MYCBP2: variants seen among roughly 807,000 people sequenced by gnomAD.
MYCBP2 encodes MYC binding protein 2.
A neutral mutation model predicts 525.3 loss-of-function variants in MYCBP2; 120 were observed. The ratio of observed to expected loss-of-function variants is 0.23; its 90% CI spans 0.20 to 0.27. The LOEUF is 0.27. Ranked by LOEUF, MYCBP2 falls within the 10% of genes least tolerant of loss-of-function variation. MYCBP2 has a pLI of 1.00. For synonymous variants in MYCBP2, 1,894 were observed against 1,955.8 expected (o/e 0.97, Z 0.83); for missense variants, 4,149 against 5,657.1 (o/e 0.73, Z 8.55).
intron 18 of MYCBP2, among the ~76,000 whole-genome samples, chr13:77,228,456 G>A (rs890676799): frequency 1.3e-5 from 2 of 150,816 alleles, no homozygotes; most frequent in Admixed American, 6.6e-5. Flanking sequence ...GCAGTGAGCC[G>A]TGATCATGCC....
At chr13:77,059,360 T>C (rs775153980) in intron 77 of MYCBP2, among the ~76,000 whole-genome samples, 163 bp downstream of exon 77, 19 of 152,114 alleles carry the variant, frequency 1.2e-4, no homozygotes, top group Admixed American at 3.3e-4. Context: ...AGAGCCTTAT[T>C]TGACCCATTC....
chr13:77,112,347 TTATA>T (rs1365251107), intron 55 of MYCBP2, among the ~76,000 whole-genome samples: 2 of 146,698 alleles, frequency 1.4e-5, no homozygotes, highest in Non-Finnish European at 3.0e-5. Context: ...AATATATATT[TTATA>T]TATAATATTT....
At chr13:77,054,866 G>T (rs1435947611) in intron 80 of MYCBP2, among the ~76,000 whole-genome samples, 1 of 152,152 alleles carries the variant, frequency 6.6e-6, no homozygotes, top group Non-Finnish European at 1.5e-5. Context: ...CTCCCAAAGT[G>T]CTGGGATTAC....
At chr13:77,131,323 C>T (rs1449196758) in intron 52 of MYCBP2, among the ~76,000 whole-genome samples, 1 of 151,980 alleles carries the variant, frequency 6.6e-6, no homozygotes, top group African/African-American at 2.4e-5. Flanking sequence ...TCGAGACCAG[C>T]CTGGATAAGA....
Position 77,197,281 on chromosome 13 carries a change from G to C in MYCBP2, c.3844-3037C>G, listed in dbSNP as rs145466513. Among the ~76,000 whole-genome samples the C allele has an allele frequency of 6.3e-3, 957 of 152,270 alleles. 12 individuals are homozygous for C. Among genetic ancestry groups the C allele is most frequent in the African/African-American group, 0.021 (886 of 41,552 alleles). On this transcript the variant is annotated intron_variant, in intron 26 of 82. Transcript: ENST00000544440. Reference sequence around the variant, plus strand: ...AAAGAATATGTACAGAGACTATCTAGGTGGCTAGTCCAAGACAAATACCTT... The same window carrying C: ...AAAGAATATGTACAGAGACTATCTACGTGGCTAGTCCAAGACAAATACCTT...
chr13:77,128,055 C>T (rs994363935), intron 52 of MYCBP2, among the ~76,000 whole-genome samples: 1 of 151,324 alleles, frequency 6.6e-6, no homozygotes, highest in African/African-American at 2.4e-5. Flanking sequence ...GATTTACAAC[C>T]GAAAATAAAT....
chr13:77,059,066 T>G (rs2038768608), intron 77 of MYCBP2, among the ~76,000 whole-genome samples: 1 of 152,068 alleles, frequency 6.6e-6, no homozygotes, highest in Non-Finnish European at 1.5e-5. Context: ...GCAGATTTTT[T>G]TTTTTTTTAA....
At position 77,150,958 on chromosome 13, in the gene MYCBP2, G is replaced by A; in HGVS notation, c.6916-9C>T. 1 of 1,607,596 alleles carries A rather than the reference G, an allele frequency of 6.2e-7. No homozygotes were observed. The highest frequency in any genetic ancestry group is 2.2e-5 in the East Asian group (1 of 44,780). ...ACAGCTTTCACTTCCACCTAAACAT[G>A]GTATTATAGAAACCAAATACCATTA... is the stretch of plus-strand genomic sequence containing the variant. On this transcript the variant is annotated splice_polypyrimidine_tract_variant and intron_variant, in intron 46 of 82. Transcript: ENST00000544440.
intron 43 of MYCBP2, 40 bp downstream of exon 43, chr13:77,164,414 A>T (rs760592784): frequency 7.3e-7 from 1 of 1,368,732 alleles, no homozygotes; most frequent in Admixed American, 1.7e-5. Context: ...AAAACAAAAC[A>T]AAACCCTATC....
At chr13:77,150,623 T>C (rs529399357) in intron 47 of MYCBP2, 111 bp downstream of exon 47, 14 of 810,248 alleles carry the variant, frequency 1.7e-5, no homozygotes, top group East Asian at 1.0e-4. Context: ...TTAATATCCA[T>C]CAAATGCTCT....
intron 1 of MYCBP2, among the ~76,000 whole-genome samples, chr13:77,309,628 A>G (rs1193665334): frequency 6.6e-6 from 1 of 152,194 alleles, no homozygotes; most frequent in Non-Finnish European, 1.5e-5. Context: ...TGCTAAATAT[A>G]TCATTAAATC....
chr13:77,064,127 T>C (rs1173974167), intron 73 of MYCBP2, among the ~76,000 whole-genome samples: 3 of 152,154 alleles, frequency 2.0e-5, no homozygotes, highest in Admixed American at 1.3e-4. Context: ...TCCTCAAAGA[T>C]TTCCACCCTG....
intron 55 of MYCBP2, chr13:77,109,760 G>C (rs1482561991): frequency 2.0e-5 from 3 of 152,162 alleles, no homozygotes; most frequent in East Asian, 1.9e-4. Context: ...CCGTGGCAGA[G>C]GAACATAAAT....
chr13:77,288,461 C>A, intron 2 of MYCBP2, 85 bp from the exon 3 acceptor site: 1 of 1,160,876 alleles, frequency 8.6e-7, no homozygotes, highest in Non-Finnish European at 1.2e-6. Flanking sequence ...ATTAGACACA[C>A]TAACTGACTT....
intron 49 of MYCBP2, among the ~76,000 whole-genome samples, chr13:77,142,965 C>T (rs2054921198): frequency 6.6e-6 from 1 of 152,148 alleles, no homozygotes; most frequent in African/African-American, 2.4e-5. Context: ...TCATCCCAAA[C>T]CAGGTTTTCG....
At chr13:77,162,339 A>C (rs2058033715) in intron 43 of MYCBP2, among the ~76,000 whole-genome samples, 1 of 152,244 alleles carries the variant, frequency 6.6e-6, no homozygotes, top group East Asian at 1.9e-4. Flanking sequence ...GACTTTAGTA[A>C]ACAACAGGGA....
At position 77,059,579 on chromosome 13, in the gene MYCBP2, T is replaced by C. The variant is rs368337423; in HGVS notation, c.13084A>G (p.Arg4362Gly). ...ACAGCAGATAACTCTGTTCCACTCCTGGAACCACAGAAGCGACATGCTTCT... is the reference window on the plus strand; with the variant it reads ...ACAGCAGATAACTCTGTTCCACTCCCGGAACCACAGAAGCGACATGCTTCT... ...SSEACRFCGS[R>G]SGTELSAVGS... Residue 4362 changes from arginine (R) to glycine (G), a missense_variant, in exon 77 of 83, where the codon AGG (arginine) becomes GGG (glycine). Around this residue, in one of 21 missense-constraint regions of MYCBP2, gnomAD observed 220 missense variants for 396.0 expected, o/e 0.56. Transcript: ENST00000544440. The C allele has an allele frequency of 9.3e-6, 15 of 1,614,058 alleles. No individual in the cohort carries two copies. Among genetic ancestry groups the C allele is most frequent in the African/African-American group, 1.3e-5 (1 of 74,922 alleles).
intron 49 of MYCBP2, among the ~76,000 whole-genome samples, chr13:77,143,239 AGGG>A (rs1479367970): frequency 6.6e-6 from 1 of 152,212 alleles, no homozygotes; most frequent in East Asian, 1.9e-4. Flanking sequence ...TGCGTCTGTG[AGGG>A]TGTTTCCAGA....
chr13:77,067,515 T>A, intron 71 of MYCBP2, 66 bp downstream of exon 71: 1 of 1,496,346 alleles, frequency 6.7e-7, no homozygotes, highest in Non-Finnish European at 9.1e-7. Context: ...TGAAATTATG[T>A]CTTAAATTTC....
Sources: allele counts gnomAD v4.1 joint callset (sites outside exome capture counted in the v4.1 genomes callset), GRCh38; gene constraint gnomAD v4.1.1; regional missense constraint gnomAD v4.1.1; transcripts MANE v1.5; gene names NCBI Gene and HGNC (gene_info 2026-07-23, HGNC 2026-07-21).